Variants in ASIC1 observed in about 807,000 individuals in gnomAD.
ASIC1 encodes acid-sensing ion channel 1.
Under a neutral mutation model 63.4 loss-of-function variants are expected in ASIC1, and 21 were observed. That is an observed-to-expected ratio of 0.33 (90% CI 0.23 to 0.48). The LOEUF is 0.48. Among genes scored for constraint, ASIC1 ranks in the 20% least tolerant of loss-of-function variants. The pLI is 0.99. For synonymous variants in ASIC1, 258 were observed against 278.2 expected (o/e 0.93, Z 0.72); for missense variants, 478 against 695.5 (o/e 0.69, Z 3.52).
At position 50,078,802 on chromosome 12, in the gene ASIC1, G is replaced by A; in HGVS notation, c.995-122G>A. 1.5e-6 allele frequency: 2 copies of A among 1,348,600 alleles called. No individual in the cohort carries two copies. The highest frequency in any genetic ancestry group is 2.1e-6 in the Non-Finnish European group (2 of 943,636). The allele number at this position is 1,348,600 out of a possible 1,614,324, so 83.5% of individuals were successfully genotyped here. On this transcript the variant is annotated intron_variant, in intron 6 of 11. Transcript: ENST00000447966. The surrounding 1 kb of genome is among the most constrained non-coding windows in gnomAD (Gnocchi z 6.0). ...AGTGGGTCACTTCTGGGGCAGCATG[G>A]GGGCCTGCCAGTCCTCCCTTCCCAT... is the stretch of plus-strand genomic sequence containing the variant.
intron 9 of ASIC1, 143 bp downstream of exon 9, chr12:50,080,732 G>A (rs370431192): frequency 1.2e-6 from 2 of 1,610,290 alleles, no homozygotes; most frequent in Non-Finnish European, 1.7e-6. Context: ...GTCTTGGTAA[G>A]TGGTGAGGGA....
Position 50,078,373 on chromosome 12 carries a change from T to A in ASIC1, c.838-48T>A. 1.2e-6 allele frequency: 2 copies of A among 1,606,648 alleles called. No individual in the cohort carries two copies. The highest frequency in any genetic ancestry group is 1.7e-6 in the Non-Finnish European group (2 of 1,175,584). Reference sequence around the variant, plus strand: ...TGTCAGAGGAGTCCATCAAGCTGATTTGGGGAGAAGTCCCCGCACTCCCCC... The same window carrying A: ...TGTCAGAGGAGTCCATCAAGCTGATATGGGGAGAAGTCCCCGCACTCCCCC... On this transcript the variant is annotated intron_variant, in intron 5 of 11. Coordinates refer to ENST00000447966, the MANE Select transcript of ASIC1 (RefSeq NM_001095.4). This position sits in a 1 kb window ranked among gnomAD's most constrained non-coding sequence, Gnocchi z 6.0.
rs1950727859 is a variant in ASIC1 at position 50,082,204 on chromosome 12, C to A, written c.*555C>A. The A allele has an allele frequency of 6.4e-6, 1 of 155,458 alleles. No homozygotes were observed. Among genetic ancestry groups the A allele is most frequent in the Non-Finnish European group, 1.4e-5 (1 of 70,114 alleles). 9.6% of individuals were successfully genotyped at this position (155,458 alleles called of 1,614,324 possible). ...AAAACCTCAGCCCCACTCTCTCACA[C>A]CATGTGGAATCTCGTGGGGGTCGGG... On this transcript the variant is annotated 3_prime_UTR_variant, in exon 12 of 12. Transcript: ENST00000447966.
chr12:50,078,869 C>T lies in ASIC1; in HGVS notation c.995-55C>T. On this transcript the variant is annotated intron_variant, in intron 6 of 11. Transcript: ENST00000447966. This position sits in a 1 kb window ranked among gnomAD's most constrained non-coding sequence, Gnocchi z 6.0. ...CCTTCTAGGCCTTTGGTACTACCACCATCACCAGACCCCTTGAATTCCCAT... is the reference window on the plus strand; with the variant it reads ...CCTTCTAGGCCTTTGGTACTACCACTATCACCAGACCCCTTGAATTCCCAT... 1 of 1,577,138 alleles carries T rather than the reference C, an allele frequency of 6.3e-7. No homozygotes were observed. Among genetic ancestry groups the T allele is most frequent in the Non-Finnish European group, 8.7e-7 (1 of 1,146,508 alleles).
chr12:50,077,183 C>T lies in ASIC1; in HGVS notation c.559-30C>T. ...TGGTGAGTAGAGGGTGCTGGCAGGA[C>T]TCTTAGGCTCTCCACTCTGCCCTCG... On this transcript the variant is annotated intron_variant, in intron 3 of 11. Transcript: ENST00000447966. 1.9e-6 allele frequency: 3 copies of T among 1,603,034 alleles called. 1 individual carries two copies. The highest frequency in any genetic ancestry group is 1.3e-5 in the African/African-American group (1 of 74,932).
At position 50,082,662 on chromosome 12, in the gene ASIC1, C is replaced by G. The variant is rs944401636; in HGVS notation, c.*1013C>G. 1 of 152,828 alleles carries G rather than the reference C, an allele frequency of 6.5e-6. No individual in the cohort carries two copies. Among genetic ancestry groups the G allele is most frequent in the African/African-American group, 2.4e-5 (1 of 41,436 alleles). The allele number at this position is 152,828 out of a possible 1,614,324, so 9.5% of individuals were successfully genotyped here. Reference sequence around the variant, plus strand: ...AACCATTCTCCCACCCCAAGTTCCACCTTCTATGTTTCTACTCCCTCCCTG... The same window carrying G: ...AACCATTCTCCCACCCCAAGTTCCAGCTTCTATGTTTCTACTCCCTCCCTG... On this transcript the variant is annotated 3_prime_UTR_variant, in exon 12 of 12. Coordinates refer to ENST00000447966, the MANE Select transcript of ASIC1 (RefSeq NM_001095.4).
intron 3 of ASIC1, among the ~76,000 whole-genome samples, chr12:50,069,358 A>G (rs990390956): frequency 1.3e-5 from 2 of 151,684 alleles, no homozygotes; most frequent in Admixed American, 1.3e-4. Flanking sequence ...CAGTGGTGCA[A>G]TCTTAGCTCA....
In ASIC1 at chr12:50,059,205, C is replaced by T; in HGVS notation, c.362+77C>T. On this transcript the variant is annotated intron_variant, in intron 2 of 11. Transcript: ENST00000447966. The surrounding 1 kb of genome is among the most constrained non-coding windows in gnomAD (Gnocchi z 4.6). ...CAGTCAGGATGTCTGCCTCCCTGAC[C>T]CACCATAGAGCCCAGCCAACCCTGC... 1 of 1,554,990 alleles carries T rather than the reference C, an allele frequency of 6.4e-7. No individual in the cohort carries two copies. Among genetic ancestry groups the T allele is most frequent in the South Asian group, 1.2e-5 (1 of 83,074 alleles).
intron 3 of ASIC1, among the ~76,000 whole-genome samples, chr12:50,067,154 A>G (rs1950552947): frequency 6.6e-6 from 1 of 152,148 alleles, no homozygotes; most frequent in Admixed American, 6.5e-5. Flanking sequence ...GCCAGCTCCT[A>G]TAGTATCTCT....
In ASIC1 at chr12:50,081,284, C is replaced by A. The variant is rs746491448; in HGVS notation, c.1402C>A (p.Arg468=). ...GGTCATTAAGCACAAGCTGTGCCGA[C>A]GAGGAAAATGCCAGAAGGAGGCCAA... The part of the protein sequence containing the change: ...YEVIKHKLCR[R]GKCQKEAKRS... Residue 468 remains arginine (R), a synonymous_variant, in exon 11 of 12, where the codon CGA becomes AGA. Coordinates refer to ENST00000447966, the MANE Select transcript of ASIC1 (RefSeq NM_001095.4). The A allele has an allele frequency of 3.7e-6, 6 of 1,610,060 alleles. No homozygotes were observed. Among genetic ancestry groups the A allele is most frequent in the Non-Finnish European group, 4.2e-6 (5 of 1,178,270 alleles).
At chr12:50,076,779 T>G in intron 3 of ASIC1, 2 of 364,046 alleles carry the variant, frequency 5.5e-6, no homozygotes, top group Non-Finnish European at 5.4e-6. Context: ...TCGTTATCAC[T>G]TCTAGGCTGA....
intron 8 of ASIC1, 30 bp from the exon 9 acceptor site, chr12:50,080,467 AC>A (rs778002950): frequency 1.2e-6 from 2 of 1,605,234 alleles, no homozygotes; most frequent in Non-Finnish European, 1.7e-6. Flanking sequence ...TATGACTTGA[AC>A]CTAGGTCTCC....
rs1168489275 is a variant in ASIC1 at position 50,080,200 on chromosome 12, G to A, written c.1205+145G>A. 3.3e-6 allele frequency: 4 copies of A among 1,200,122 alleles called. No homozygotes were observed. The East Asian group carries it at 7.5e-5, about 23-fold the overall frequency. The allele number at this position is 1,200,122 out of a possible 1,614,324, so 74.3% of individuals were successfully genotyped here. ...CCAAAAGGCAAGCAAAGAGTCTAGG[G>A]TGGGTATGCAGGGAAGATCAAGCCA... On this transcript the variant is annotated intron_variant, in intron 8 of 11. Coordinates refer to ENST00000447966, the MANE Select transcript of ASIC1 (RefSeq NM_001095.4).
rs1256624873 is a variant in ASIC1, at chr12:50,078,493, T to A, written c.910T>A (p.Ser304Thr). 1 of 1,614,082 alleles carries A rather than the reference T, an allele frequency of 6.2e-7. No individual in the cohort carries two copies. The highest frequency in any genetic ancestry group is 2.2e-5 in the East Asian group (1 of 44,870). Residue 304 changes from serine to threonine, a missense_variant, in exon 6 of 12, where the codon TCC becomes ACC. Coordinates refer to ENST00000447966, the MANE Select transcript of ASIC1 (RefSeq NM_001095.4). The surrounding 1 kb of genome is among the most constrained non-coding windows in gnomAD (Gnocchi z 6.0). Reference sequence around the variant, plus strand: ...GGACTCGGATTTGGATTTCTTCGACTCCTACAGCATCACTGCCTGCCGCAT... The same window carrying A: ...GGACTCGGATTTGGATTTCTTCGACACCTACAGCATCACTGCCTGCCGCAT... ...TMDSDLDFFD[S>T]YSITACRIDC...
chr12:50,077,653 C>CG (rs1310658342), intron 4 of ASIC1, among the ~76,000 whole-genome samples: 2 of 152,064 alleles, frequency 1.3e-5, no homozygotes, highest in East Asian at 3.9e-4. Context: ...TGTCTGGTCT[C>CG]GGGGGGCCTT....
intron 3 of ASIC1, among the ~76,000 whole-genome samples, chr12:50,066,581 G>A (rs948236554): frequency 6.6e-6 from 1 of 152,136 alleles, no homozygotes; most frequent in Non-Finnish European, 1.5e-5. Flanking sequence ...GGGCAGTCAG[G>A]ACCTCCCTGA....
intron 3 of ASIC1, 66 bp from the exon 4 acceptor site, chr12:50,077,146 AG>A: frequency 6.2e-7 from 1 of 1,609,496 alleles, no homozygotes; most frequent in Non-Finnish European, 8.5e-7. Flanking sequence ...TGGGGTGGCT[AG>A]GAACAGCCCT....
chr12:50,067,013 C>A (rs1950551325), intron 3 of ASIC1, among the ~76,000 whole-genome samples: 1 of 152,184 alleles, frequency 6.6e-6, no homozygotes, highest in Admixed American at 6.5e-5. Context: ...GACAATGAAA[C>A]ATGCTGAAGA....
intron 7 of ASIC1, 79 bp from the exon 8 acceptor site, chr12:50,079,823 C>G (rs892363979): frequency 1.1e-5 from 17 of 1,480,188 alleles, no homozygotes; most frequent in Middle Eastern, 2.3e-4. Flanking sequence ...TTTCTCTGGG[C>G]AGAGCTAGGA....
Sources: allele counts gnomAD v4.1 joint callset (sites outside exome capture counted in the v4.1 genomes callset), GRCh38; gene constraint gnomAD v4.1.1; non-coding constraint Gnocchi (gnomAD v3.1); transcripts MANE v1.5; gene names NCBI Gene and HGNC (gene_info 2026-07-23, HGNC 2026-07-21).